The following MLLT3 variants were observed in gnomAD, a reference collection of about 807,000 sequenced individuals.
MLLT3 encodes MLLT3 super elongation complex subunit.
MLLT3 carries 4 observed loss-of-function variants against 53.2 expected under a neutral mutation model. The observed-to-expected ratio is 0.08, with a 90% confidence interval of 0.04 to 0.17. MLLT3 has a LOEUF of 0.17. MLLT3 is among the 10% of genes least tolerant of loss of function. The pLI, the probability that MLLT3 is intolerant of heterozygous loss-of-function variation, is 1.00. For missense variants in MLLT3, 569 were observed against 684.0 expected (o/e 0.83, Z 1.87); for synonymous variants, 283 against 230.6 (o/e 1.23, Z -2.06).
At chr9:20,615,425 A>G (rs2131213350) in intron 2 of MLLT3, among the ~76,000 whole-genome samples, 2 of 150,018 alleles carry the variant, frequency 1.3e-5, no homozygotes, top group South Asian at 4.2e-4. Flanking sequence ...GCTATAAAAT[A>G]TGCCCAGAAA....
At chr9:20,603,180 A>T (rs1031709591) in intron 2 of MLLT3, among the ~76,000 whole-genome samples, 3 of 152,092 alleles carry the variant, frequency 2.0e-5, no homozygotes, top group African/African-American at 7.2e-5. Flanking sequence ...ATCTTATCCA[A>T]GAAACCACTT....
chr9:20,468,444 C>G (rs560801537), intron 2 of MLLT3, among the ~76,000 whole-genome samples: 3 of 152,258 alleles, frequency 2.0e-5, no homozygotes, highest in Admixed American at 2.0e-4. Flanking sequence ...AATCAGCCCA[C>G]CTAGAAACTC....
intron 5 of MLLT3, among the ~76,000 whole-genome samples, chr9:20,403,557 G>C (rs183908487): frequency 3.3e-5 from 5 of 152,266 alleles, no homozygotes; most frequent in African/African-American, 1.2e-4. Flanking sequence ...ACAAGTCTCT[G>C]AAAGTTGATA....
intron 2 of MLLT3, among the ~76,000 whole-genome samples, chr9:20,505,418 A>G (rs2118950177): frequency 6.6e-6 from 1 of 152,342 alleles, no homozygotes; most frequent in East Asian, 1.9e-4. Flanking sequence ...ATTGGAATGT[A>G]GAAACCAGAG....
intron 2 of MLLT3, among the ~76,000 whole-genome samples, chr9:20,590,562 C>T (rs1820103133): frequency 6.6e-6 from 1 of 152,188 alleles, no homozygotes; most frequent in African/African-American, 2.4e-5. Context: ...CACTCTCTCA[C>T]CTGCCTGCCA....
chr9:20,394,475 G>C (rs761918849), intron 5 of MLLT3, among the ~76,000 whole-genome samples: 1 of 152,142 alleles, frequency 6.6e-6, no homozygotes, highest in Non-Finnish European at 1.5e-5. Context: ...AGTTCTGATA[G>C]TGCAGTAAGG....
intron 2 of MLLT3, among the ~76,000 whole-genome samples, chr9:20,523,636 T>C (rs949161910): frequency 9.9e-5 from 15 of 152,142 alleles, no homozygotes; most frequent in Non-Finnish European, 2.9e-5. Context: ...TGATTCCAAC[T>C]ATATGACATT....
rs1426364941 is a variant in MLLT3, at chr9:20,448,059, TG to T, written c.420+63del. The T allele has an allele frequency of 8.1e-6, 12 of 1,484,224 alleles. No individual in the cohort carries two copies. Among genetic ancestry groups the T allele is most frequent in the East Asian group, 4.5e-5 (2 of 44,050 alleles). 91.9% of individuals were successfully genotyped at this position (1,484,224 alleles called of 1,614,324 possible). A position where few individuals can be genotyped will look rare whatever the true frequency, so the allele number is the denominator to read the frequency against. ...TTAACACATGAGGAACTAGTTTGTT[TG>T]TTTTTTTTTTTGTTGTTGTTGTTTT... On this transcript the variant is annotated intron_variant, in intron 4 of 10. Coordinates refer to ENST00000380338, the MANE Select transcript of MLLT3 (RefSeq NM_004529.4). This position sits in a 1 kb window ranked among gnomAD's most constrained non-coding sequence, Gnocchi z 4.0.
intron 2 of MLLT3, among the ~76,000 whole-genome samples, chr9:20,613,780 T>C (rs943848798): frequency 6.6e-6 from 1 of 152,186 alleles, no homozygotes; most frequent in Non-Finnish European, 1.5e-5. Context: ...TTCCAGTTTA[T>C]ATGCCTGAGG....
chr9:20,426,684 G>A (rs746565385), intron 4 of MLLT3, among the ~76,000 whole-genome samples: 14 of 151,924 alleles, frequency 9.2e-5, no homozygotes, highest in Admixed American at 7.2e-4. Flanking sequence ...AAAACAACTC[G>A]TCTAATTTGG....
chr9:20,390,381 A>G (rs966238877), intron 5 of MLLT3, among the ~76,000 whole-genome samples: 12 of 152,218 alleles, frequency 7.9e-5, no homozygotes, highest in Admixed American at 7.9e-4. Context: ...ATGAAGATGG[A>G]TCTACAATTG....
intron 5 of MLLT3, among the ~76,000 whole-genome samples, chr9:20,386,673 G>A (rs1444294436): frequency 1.3e-5 from 2 of 152,292 alleles, no homozygotes; most frequent in Middle Eastern, 3.4e-3. Flanking sequence ...ACAGCCAAGT[G>A]AATATGTGAC....
rs751574590 is a variant in MLLT3 at position 20,360,731 on chromosome 9, C to A, written c.1431+11G>T. On this transcript the variant is annotated intron_variant, in intron 8 of 10. Coordinates refer to ENST00000380338, the MANE Select transcript of MLLT3 (RefSeq NM_004529.4). The stretch of plus-strand genomic sequence containing the variant: ...TGCAGAGTCTTGCAAAGTGCAAACC[C>A]CACAATTTACCTGGTTGTTGTTGGT... 27 of 1,610,300 alleles carry A rather than the reference C, an allele frequency of 1.7e-5. No homozygotes were observed. The South Asian group carries it at 2.9e-4, about 17-fold the overall frequency.
At chr9:20,434,223 T>C (rs980045395) in intron 4 of MLLT3, among the ~76,000 whole-genome samples, 1 of 152,128 alleles carries the variant, frequency 6.6e-6, no homozygotes, top group African/African-American at 2.4e-5. Context: ...CAGTGCTAAT[T>C]CCTGACTTGG....
At chr9:20,608,267 T>C (rs1820615402) in intron 2 of MLLT3, among the ~76,000 whole-genome samples, 1 of 151,964 alleles carries the variant, frequency 6.6e-6, no homozygotes, top group South Asian at 2.1e-4. Context: ...ACAGTCTTTT[T>C]ATTTGTAGTT....
At chr9:20,391,907 A>G (rs866544506) in intron 5 of MLLT3, among the ~76,000 whole-genome samples, 31 of 152,180 alleles carry the variant, frequency 2.0e-4, no homozygotes, top group African/African-American at 6.8e-4. Flanking sequence ...ATTTTATTTT[A>G]CTATTAATAT....
At chr9:20,504,371 T>C (rs151324236) in intron 2 of MLLT3, among the ~76,000 whole-genome samples, 28 of 151,942 alleles carry the variant, frequency 1.8e-4, no homozygotes, top group African/African-American at 6.5e-4. Flanking sequence ...TGTGTGTGTG[T>C]GTACAAATAT....
intron 2 of MLLT3, among the ~76,000 whole-genome samples, chr9:20,612,053 CTTAA>C (rs368846679): frequency 4.6e-5 from 7 of 152,286 alleles, no homozygotes; most frequent in African/African-American, 1.7e-4. Flanking sequence ...GTTACCACCA[CTTAA>C]TTAAATCCTA....
chr9:20,582,239 T>C (rs1473135146), intron 2 of MLLT3, among the ~76,000 whole-genome samples: 1 of 152,192 alleles, frequency 6.6e-6, no homozygotes, highest in African/African-American at 2.4e-5. Context: ...CACTATTAAC[T>C]AAAGTCCATC....
Sources: gnomAD v4.1 joint callset for allele counts (sites outside exome capture counted in the v4.1 genomes callset) on GRCh38, gnomAD v4.1.1 for gene constraint, Gnocchi (gnomAD v3.1) non-coding constraint, MANE v1.5 for transcripts, NCBI Gene and HGNC (gene_info 2026-07-23, HGNC 2026-07-21) for gene names.